The following ERBB4 variants were observed in gnomAD, a reference collection of about 807,000 sequenced individuals.
ERBB4 encodes the protein erb-b2 receptor tyrosine kinase 4, also known as receptor tyrosine-protein kinase erbB-4.
ERBB4 carries 42 observed loss-of-function variants against 158.0 expected under a neutral mutation model. The observed-to-expected ratio is 0.27, with a 90% CI of 0.21 to 0.34. The LOEUF (loss-of-function observed/expected upper bound fraction) is 0.34. Ranked by LOEUF, ERBB4 falls within the 10% of genes least tolerant of loss-of-function variation. The pLI is 1.00. For missense variants in ERBB4, 1,333 were observed against 1,624.1 expected, an observed-to-expected ratio of 0.82 and a Z score of 3.08; for synonymous variants, 583 against 558.7, an observed-to-expected ratio of 1.04 and a Z score of -0.61.
chr2:212,061,443 ACT>A (rs1428165440), intron 2 of ERBB4, among the ~76,000 whole-genome samples: 14 of 113,722 alleles, frequency 1.2e-4, no homozygotes, highest in Non-Finnish European at 2.0e-4. Context: ...ACAGAGTGAG[ACT>A]CTGTCTCCAA....
At chr2:211,697,534 AAATTTAATG>A (rs2073069754) in intron 12 of ERBB4, among the ~76,000 whole-genome samples, 3 of 152,330 alleles carry the variant, frequency 2.0e-5, no homozygotes, top group African/African-American at 7.2e-5. Context: ...TTAAAGAACA[AAATTTAATG>A]AATTTAATTT....
chr2:211,438,344 G>C (rs191203276), intron 20 of ERBB4, among the ~76,000 whole-genome samples: 2 of 152,152 alleles, frequency 1.3e-5, no homozygotes, highest in African/African-American at 4.8e-5. Context: ...TATTTAGTGA[G>C]AGTTGTGAAT....
intron 1 of ERBB4, among the ~76,000 whole-genome samples, chr2:212,405,110 A>G (rs1229221127): frequency 6.6e-6 from 1 of 152,030 alleles, no homozygotes; most frequent in Non-Finnish European, 1.5e-5. Context: ...ACAAAGGTTA[A>G]ATATCCAGCA....
At chr2:211,625,606 A>C (rs908599692) in intron 17 of ERBB4, among the ~76,000 whole-genome samples, 8 of 152,330 alleles carry the variant, frequency 5.3e-5, no homozygotes, top group Admixed American at 4.6e-4. Flanking sequence ...CACATTTTAA[A>C]AATCTCAGAA....
At chr2:211,555,226 C>T (rs1299051209) in intron 20 of ERBB4, among the ~76,000 whole-genome samples, 1 of 151,986 alleles carries the variant, frequency 6.6e-6, no homozygotes, top group East Asian at 1.9e-4. Context: ...GCTCTTGTTG[C>T]CCAGGCTGGA....
At chr2:211,836,855 T>G (rs10932405) in intron 3 of ERBB4, among the ~76,000 whole-genome samples, 32,592 of 151,846 alleles carry the variant, frequency 0.21, 3,635 homozygotes, top group South Asian at 0.33. Flanking sequence ...TATTAAATTA[T>G]AAGGAAGCTT....
At chr2:212,206,769 T>C (rs2082771079) in intron 1 of ERBB4, among the ~76,000 whole-genome samples, 1 of 151,732 alleles carries the variant, frequency 6.6e-6, no homozygotes, top group Non-Finnish European at 1.5e-5. Flanking sequence ...TTTGTATTTT[T>C]AGTAGAGACG....
intron 5 of ERBB4, among the ~76,000 whole-genome samples, chr2:211,726,916 G>A (rs6435665): frequency 0.14 from 21,636 of 152,046 alleles, 1,774 homozygotes; most frequent in South Asian, 0.32. Context: ...TGTTTCTCAC[G>A]TCCAGCCAGA....
intron 24 of ERBB4, among the ~76,000 whole-genome samples, chr2:211,421,474 C>A (rs1015164364): frequency 1.3e-5 from 2 of 151,518 alleles, no homozygotes; most frequent in South Asian, 2.1e-4. Context: ...TAAAATATTT[C>A]TTTGGTTGGT....
At chr2:211,956,315 A>C (rs2081030315) in intron 2 of ERBB4, among the ~76,000 whole-genome samples, 1 of 152,140 alleles carries the variant, frequency 6.6e-6, no homozygotes, top group African/African-American at 2.4e-5. Context: ...ATATAGATAG[A>C]GCTGAAGTAA....
At chr2:211,486,331 T>A (rs1342270917) in intron 20 of ERBB4, among the ~76,000 whole-genome samples, 2 of 152,184 alleles carry the variant, frequency 1.3e-5, no homozygotes, top group African/African-American at 4.8e-5. Flanking sequence ...TTTTACCACT[T>A]TTTTGTCCTC....
chr2:211,901,936 C>T (rs183225412), intron 3 of ERBB4, among the ~76,000 whole-genome samples: 260 of 152,098 alleles, frequency 1.7e-3, no homozygotes, highest in African/African-American at 6.0e-3. Flanking sequence ...GGTATAGATT[C>T]TTGGGTGGCT....
intron 3 of ERBB4, among the ~76,000 whole-genome samples, chr2:211,890,439 C>G (rs187525396): frequency 6.6e-6 from 1 of 151,344 alleles, no homozygotes. Flanking sequence ...TGGTACCAGC[C>G]GCTGCAAAAT....
chr2:212,380,816 A>G (rs2090478828), intron 1 of ERBB4, among the ~76,000 whole-genome samples: 1 of 151,156 alleles, frequency 6.6e-6, no homozygotes, highest in Non-Finnish European at 1.5e-5. Flanking sequence ...ATTTGGTTAT[A>G]ATTAGAGATT....
At chr2:212,054,959 C>T (rs1322287248) in intron 2 of ERBB4, among the ~76,000 whole-genome samples, 1 of 152,132 alleles carries the variant, frequency 6.6e-6, no homozygotes, top group Non-Finnish European at 1.5e-5. Flanking sequence ...GGGGGCAGGA[C>T]AGTGGGTGCA....
intron 20 of ERBB4, among the ~76,000 whole-genome samples, chr2:211,459,486 T>C (rs2064472402): frequency 6.6e-6 from 1 of 152,226 alleles, no homozygotes. Flanking sequence ...TCTTGAATTG[T>C]AGCTCCCATA....
At chr2:212,390,509 C>CT (rs1283691565) in intron 1 of ERBB4, among the ~76,000 whole-genome samples, 1 of 151,612 alleles carries the variant, frequency 6.6e-6, no homozygotes, top group Non-Finnish European at 1.5e-5. Context: ...AACATCTATT[C>CT]TTTTTTCTTT....
intron 2 of ERBB4, among the ~76,000 whole-genome samples, chr2:212,032,510 TAG>T (rs762233766): frequency 6.6e-6 from 1 of 152,060 alleles, no homozygotes; most frequent in Non-Finnish European, 1.5e-5. Flanking sequence ...TATGAACAGA[TAG>T]AGACTAGTTT....
chr2:211,522,303 A>G (rs1481648500), intron 20 of ERBB4, among the ~76,000 whole-genome samples: 2 of 152,306 alleles, frequency 1.3e-5, no homozygotes, highest in East Asian at 1.9e-4. Context: ...CAAGATTTCA[A>G]TGGAGAAAGT....
Sources: allele counts gnomAD v4.1 joint callset (sites outside exome capture counted in the v4.1 genomes callset), GRCh38; gene constraint gnomAD v4.1.1; transcripts MANE v1.5; gene names NCBI Gene and HGNC (gene_info 2026-07-23, HGNC 2026-07-21).